NELL1: variants seen among roughly 807,000 people sequenced by gnomAD.
NELL1 encodes neural EGFL like 1.
NELL1 carries 76 observed loss-of-function variants against 107.4 expected under a neutral mutation model. The observed-to-expected ratio is 0.71, with a 90% CI of 0.59 to 0.86. The LOEUF is 0.86. NELL1 is among the 40% of genes least tolerant of loss of function. The pLI is 0.00. For synonymous variants in NELL1, 353 were observed against 341.2 expected (o/e 1.03, Z -0.38); for missense variants, 1,024 against 1,005.5 (o/e 1.02, Z -0.25).
At chr11:20,713,772 G>A (rs1855170214) in intron 2 of NELL1, among the ~76,000 whole-genome samples, 1 of 152,178 alleles carries the variant, frequency 6.6e-6, no homozygotes, top group Non-Finnish European at 1.5e-5. Flanking sequence ...CTTCTTTAAG[G>A]ATGCCTATAA....
chr11:21,409,611 A>G (rs1032189316), intron 15 of NELL1, among the ~76,000 whole-genome samples: 1 of 151,914 alleles, frequency 6.6e-6, no homozygotes, highest in African/African-American at 2.4e-5. Context: ...AATAAAAATT[A>G]AAAAATAAAA....
At chr11:21,153,847 C>T (rs979216153) in intron 13 of NELL1, among the ~76,000 whole-genome samples, 1 of 152,062 alleles carries the variant, frequency 6.6e-6, no homozygotes, top group Non-Finnish European at 1.5e-5. Flanking sequence ...CCCTTTCTAC[C>T]ACACTGTGCT....
At chr11:20,801,089 T>A (rs945326446) in intron 3 of NELL1, among the ~76,000 whole-genome samples, 11 of 152,220 alleles carry the variant, frequency 7.2e-5, no homozygotes, top group Non-Finnish European at 4.4e-5. Flanking sequence ...GTTCTCTCAG[T>A]TGTCTTCCCA....
intron 12 of NELL1, among the ~76,000 whole-genome samples, chr11:21,111,511 G>C (rs1357089139): frequency 1.3e-5 from 2 of 151,992 alleles, no homozygotes; most frequent in African/African-American, 4.8e-5. Context: ...GTCAACAAAG[G>C]CATATTTCTA....
At chr11:21,069,405 T>A (rs1056719675) in intron 12 of NELL1, among the ~76,000 whole-genome samples, 1 of 152,214 alleles carries the variant, frequency 6.6e-6, no homozygotes, top group Non-Finnish European at 1.5e-5. Context: ...AGAGCTTCTA[T>A]AAGTTGTCAA....
At chr11:20,897,125 C>A (rs868852468) in intron 5 of NELL1, among the ~76,000 whole-genome samples, 21 of 152,192 alleles carry the variant, frequency 1.4e-4, no homozygotes, top group East Asian at 7.7e-4. Flanking sequence ...AGCCAAAAGA[C>A]CAAAGCTGGA....
intron 3 of NELL1, among the ~76,000 whole-genome samples, chr11:20,818,659 T>C (rs1857680546): frequency 6.6e-6 from 1 of 152,182 alleles, no homozygotes; most frequent in South Asian, 2.1e-4. Flanking sequence ...GTTGGATATG[T>C]TGAGATTGAT....
At chr11:20,736,515 G>A (rs1564886497) in intron 2 of NELL1, among the ~76,000 whole-genome samples, 2 of 152,174 alleles carry the variant, frequency 1.3e-5, no homozygotes, top group East Asian at 1.9e-4. Context: ...TCATCTTGGA[G>A]TTTCTCATTC....
chr11:21,527,511 T>C (rs10741884), intron 15 of NELL1, among the ~76,000 whole-genome samples: 52,199 of 152,000 alleles, frequency 0.34, 10,753 homozygotes, highest in Non-Finnish European at 0.46. Context: ...AAAATCTGTA[T>C]TAGTCAGGGT....
chr11:20,870,397 C>T (rs372502590), intron 4 of NELL1, among the ~76,000 whole-genome samples: 7 of 151,534 alleles, frequency 4.6e-5, no homozygotes, highest in Non-Finnish European at 7.4e-5. Flanking sequence ...TTAAAGGAGT[C>T]GCCTGTGTGT....
At chr11:20,785,432 T>A (rs1322750461) in intron 3 of NELL1, among the ~76,000 whole-genome samples, 1 of 152,198 alleles carries the variant, frequency 6.6e-6, no homozygotes, top group African/African-American at 2.4e-5. Flanking sequence ...TTTCCAAGGA[T>A]TGAGTGTCAA....
chr11:20,788,655 G>T (rs1457128091), intron 3 of NELL1, among the ~76,000 whole-genome samples: 1 of 151,680 alleles, frequency 6.6e-6, no homozygotes, highest in Non-Finnish European at 1.5e-5. Flanking sequence ...CATTTTCTTG[G>T]TGGTGTCCTT....
intron 17 of NELL1, among the ~76,000 whole-genome samples, chr11:21,569,346 TAGAG>T (rs760013029): frequency 4.6e-5 from 7 of 151,876 alleles, no homozygotes; most frequent in African/African-American, 7.2e-5. Flanking sequence ...ATTTGAGAAA[TAGAG>T]AGATACATTC....
intron 4 of NELL1, among the ~76,000 whole-genome samples, chr11:20,875,845 G>T (rs1376828945): frequency 6.6e-6 from 1 of 152,108 alleles, no homozygotes; most frequent in Non-Finnish European, 1.5e-5. Flanking sequence ...ATCCAGATGA[G>T]GAGAGAAAAA....
At chr11:21,360,661 T>G (rs1565187008) in intron 14 of NELL1, among the ~76,000 whole-genome samples, 1 of 152,276 alleles carries the variant, frequency 6.6e-6, no homozygotes, top group South Asian at 2.1e-4. Flanking sequence ...TTTTGTAAAT[T>G]TGGGAGCTCC....
chr11:21,312,127 AG>A lies in NELL1; in HGVS notation c.1550-58725del, dbSNP rs1849763155. On this transcript the variant is annotated intron_variant, in intron 14 of 19. Coordinates refer to ENST00000357134, the MANE Select transcript of NELL1 (RefSeq NM_006157.5). ...GAGAATTCAATTTTTATTGTTTGTA[AG>A]TTACTCTGTGTATGGTATTTTGTTA... 2.6e-5 allele frequency among the ~76,000 whole-genome samples: 4 copies of A among 152,276 alleles called. No individual in the cohort carries two copies. In the East Asian group the frequency reaches 7.7e-4, roughly 29 times the overall value.
chr11:21,027,049 A>G (rs1852831303), intron 12 of NELL1, among the ~76,000 whole-genome samples: 1 of 152,168 alleles, frequency 6.6e-6, no homozygotes, highest in African/African-American at 2.4e-5. Flanking sequence ...GAGAAGGGGT[A>G]GAATCAATGC....
intron 3 of NELL1, among the ~76,000 whole-genome samples, chr11:20,814,179 A>G (rs1857570315): frequency 6.6e-6 from 1 of 151,960 alleles, no homozygotes; most frequent in Non-Finnish European, 1.5e-5. Flanking sequence ...CATTTTTAGT[A>G]GAGATGGGGT....
intron 5 of NELL1, among the ~76,000 whole-genome samples, chr11:20,890,707 T>C (rs1295594679): frequency 6.6e-6 from 1 of 151,828 alleles, no homozygotes; most frequent in East Asian, 1.9e-4. Flanking sequence ...AAGAACTTTG[T>C]GAAGCATACA....
Sources: allele counts gnomAD v4.1 joint callset (sites outside exome capture counted in the v4.1 genomes callset), GRCh38; gene constraint gnomAD v4.1.1; transcripts MANE v1.5; gene names NCBI Gene and HGNC (gene_info 2026-07-23, HGNC 2026-07-21).